Variants in CNTN4 observed in about 807,000 individuals in gnomAD.
The protein encoded by CNTN4 is contactin 4.
A neutral mutation model predicts 122.5 loss-of-function variants in CNTN4; 77 were observed. That is an observed-to-expected ratio of 0.63 (90% confidence interval 0.52 to 0.76). The LOEUF (loss-of-function observed/expected upper bound fraction) is 0.76, where lower values mean the gene tolerates loss of function less well. Among genes scored for constraint, CNTN4 ranks in the 30% least tolerant of loss-of-function variants. CNTN4 has a pLI of 0.00. For synonymous variants in CNTN4, 512 were observed against 447.0 expected (o/e 1.15, Z -1.83); for missense variants, 1,256 against 1,259.1 (o/e 1.00, Z 0.04).
At chr3:2,504,504 G>A (rs2149027193) in intron 3 of CNTN4, among the ~76,000 whole-genome samples, 2 of 152,204 alleles carry the variant, frequency 1.3e-5, no homozygotes, top group East Asian at 3.9e-4. Flanking sequence ...TGAGAGATGA[G>A]TTAATTATAC....
At chr3:2,925,833 C>A in intron 13 of CNTN4, 54 bp downstream of exon 13, 1 of 1,485,494 alleles carries the variant, frequency 6.7e-7, no homozygotes, top group South Asian at 1.1e-5. Context: ...ATGTGTTGGT[C>A]TGTTATTAAT....
intron 3 of CNTN4, among the ~76,000 whole-genome samples, chr3:2,463,881 A>C (rs2075405795): frequency 6.6e-6 from 1 of 152,178 alleles, no homozygotes; most frequent in Non-Finnish European, 1.5e-5. Context: ...ATCTTACTAG[A>C]GGAAGATGCT....
intron 6 of CNTN4, among the ~76,000 whole-genome samples, chr3:2,785,221 C>T (rs2091766537): frequency 6.6e-6 from 1 of 151,830 alleles, no homozygotes; most frequent in South Asian, 2.1e-4. Context: ...GTCCCATGAC[C>T]TTCTGCCTGC....
At chr3:2,209,909 A>G (rs1007383676) in intron 2 of CNTN4, among the ~76,000 whole-genome samples, 3 of 151,886 alleles carry the variant, frequency 2.0e-5, no homozygotes, top group Admixed American at 6.6e-5. Context: ...CCCATATTGG[A>G]TGTGTAATAT....
chr3:2,182,673 A>G (rs1176690856), intron 2 of CNTN4, among the ~76,000 whole-genome samples: 1 of 152,174 alleles, frequency 6.6e-6, no homozygotes, highest in African/African-American at 2.4e-5. Context: ...TATATGACTC[A>G]TTGTAACATT....
At chr3:2,957,585 A>G (rs1218374453) in intron 13 of CNTN4, among the ~76,000 whole-genome samples, 1 of 152,112 alleles carries the variant, frequency 6.6e-6, no homozygotes, top group Non-Finnish European at 1.5e-5. Context: ...TTCAGCTCAC[A>G]TCCCCTCCCC....
At position 2,324,185 on chromosome 3, in the gene CNTN4, T is replaced by G. The variant is rs906009849; in HGVS notation, c.-144-14993T>G. Among the ~76,000 whole-genome samples, 8 of 152,254 alleles carry G rather than the reference T, an allele frequency of 5.3e-5. No individual in the cohort carries two copies. In the East Asian group the frequency reaches 1.5e-3, roughly 29 times the overall value. ...GGGGCAAGAAGAGCAGTTTAGAGCA[T>G]GGCATGAAATCCCAGGGGCAGGGTG... On this transcript the variant is annotated intron_variant, in intron 2 of 24. Transcript: ENST00000418658.
At chr3:2,608,094 A>G (rs1007404713) in intron 4 of CNTN4, among the ~76,000 whole-genome samples, 5 of 152,172 alleles carry the variant, frequency 3.3e-5, no homozygotes, top group Admixed American at 6.5e-5. Context: ...GTAAGATCTA[A>G]CCAAGGGACT....
chr3:2,777,922 T>C (rs1296873422), intron 6 of CNTN4, among the ~76,000 whole-genome samples: 3 of 152,104 alleles, frequency 2.0e-5, no homozygotes, highest in Non-Finnish European at 2.9e-5. Flanking sequence ...TCCTAAATTT[T>C]AAGAAATAAC....
At chr3:2,964,457 A>T (rs1692097817) in intron 13 of CNTN4, among the ~76,000 whole-genome samples, 1 of 152,184 alleles carries the variant, frequency 6.6e-6, no homozygotes, top group Non-Finnish European at 1.5e-5. Flanking sequence ...GGAAGACTTG[A>T]GGTGAAATTC....
At chr3:2,923,669 C>G (rs943628673) in intron 12 of CNTN4, among the ~76,000 whole-genome samples, 1 of 152,198 alleles carries the variant, frequency 6.6e-6, no homozygotes, top group Non-Finnish European at 1.5e-5. Context: ...TTAGCAATCT[C>G]AACTCTTCCT....
chr3:2,406,617 A>T (rs1215035722), intron 3 of CNTN4, among the ~76,000 whole-genome samples: 3 of 152,124 alleles, frequency 2.0e-5, no homozygotes, highest in East Asian at 3.9e-4. Context: ...ATATAAAGTA[A>T]TTTTTTTTAA....
At chr3:2,231,956 A>G (rs2149549669) in intron 2 of CNTN4, among the ~76,000 whole-genome samples, 1 of 152,276 alleles carries the variant, frequency 6.6e-6, no homozygotes, top group East Asian at 1.9e-4. Flanking sequence ...TTATACCTGA[A>G]TTATATATTT....
chr3:2,226,863 A>G (rs2039303808), intron 2 of CNTN4, among the ~76,000 whole-genome samples: 1 of 152,184 alleles, frequency 6.6e-6, no homozygotes. Context: ...AGACATTGTT[A>G]CAAGAACTTT....
At position 2,893,796 on chromosome 3, in the gene CNTN4, A is replaced by G. The variant is rs929146866; in HGVS notation, c.940+6572A>G. ...CAATGAATATTGTTTAAATTTACTT[A>G]TAGGAGGTTTTGCTTAAGTTGATTC... On this transcript the variant is annotated intron_variant, in intron 10 of 24. Coordinates refer to ENST00000418658, the MANE Select transcript of CNTN4 (RefSeq NM_175607.3). Among the ~76,000 whole-genome samples the G allele has an allele frequency of 5.4e-4, 83 of 152,306 alleles. 1 individual carries two copies. The highest frequency in any genetic ancestry group is 2.6e-4 in the Non-Finnish European group (18 of 68,030).
At chr3:2,654,864 C>T (rs1004998513) in intron 4 of CNTN4, among the ~76,000 whole-genome samples, 2 of 152,082 alleles carry the variant, frequency 1.3e-5, no homozygotes, top group African/African-American at 2.4e-5. Flanking sequence ...TTCTTATCTT[C>T]TGCGTGGCAC....
chr3:2,922,608 A>ATTTT (rs547782541), intron 12 of CNTN4, among the ~76,000 whole-genome samples: 1,433 of 109,938 alleles, frequency 0.013, 62 homozygotes, highest in African/African-American at 0.028. Flanking sequence ...AAAGAACTTG[A>ATTTT]TTTTTTTTTT....
chr3:2,899,307 T>G (rs1171216157), intron 10 of CNTN4, among the ~76,000 whole-genome samples: 1 of 152,204 alleles, frequency 6.6e-6, no homozygotes, highest in Non-Finnish European at 1.5e-5. Flanking sequence ...GAAACATTGT[T>G]GAGTGAAGAT....
intron 3 of CNTN4, among the ~76,000 whole-genome samples, chr3:2,441,011 A>G (rs1392421525): frequency 1.3e-5 from 2 of 151,460 alleles, no homozygotes; most frequent in African/African-American, 4.8e-5. Context: ...GTATATATAT[A>G]TAAAGGTTAA....
Sources: gnomAD v4.1 joint callset for allele counts (sites outside exome capture counted in the v4.1 genomes callset) on GRCh38, gnomAD v4.1.1 for gene constraint, MANE v1.5 for transcripts, NCBI Gene and HGNC (gene_info 2026-07-23, HGNC 2026-07-21) for gene names.